Variants in DSCAM observed in about 807,000 individuals in gnomAD.
The protein encoded by DSCAM is cell adhesion molecule DSCAM.
In DSCAM, 47 loss-of-function variants were observed where a neutral mutation model predicts 217.7. The observed-to-expected ratio is 0.22, with a 90% CI of 0.17 to 0.28. DSCAM has a LOEUF of 0.28. DSCAM is among the 10% of genes least tolerant of loss of function. The probability of loss-of-function intolerance (pLI) is 1.00; values close to 1 mark genes in which losing one functional copy is unlikely to be tolerated. For missense variants in DSCAM, 2,080 were observed against 2,618.3 expected, an observed-to-expected ratio of 0.79 and a Z score of 4.49; for synonymous variants, 1,056 against 1,015.3, an observed-to-expected ratio of 1.04 and a Z score of -0.76.
chr21:40,046,253 C>G (rs1367762903), intron 30 of DSCAM, among the ~76,000 whole-genome samples: 1 of 152,206 alleles, frequency 6.6e-6, no homozygotes, highest in Non-Finnish European at 1.5e-5. Context: ...TGAATCTAAT[C>G]TATCATTCTG....
intron 3 of DSCAM, among the ~76,000 whole-genome samples, chr21:40,467,851 G>A (rs1210017679): frequency 1.3e-5 from 2 of 148,382 alleles, no homozygotes; most frequent in African/African-American, 5.0e-5. Context: ...TAAGCCCAAG[G>A]GAAAAGTCAA....
chr21:40,761,794 C>G (rs565860179), intron 1 of DSCAM, among the ~76,000 whole-genome samples: 3 of 152,286 alleles, frequency 2.0e-5, no homozygotes, highest in South Asian at 4.1e-4. Context: ...AGAAGTTTCT[C>G]TAAACATGTA....
intron 3 of DSCAM, among the ~76,000 whole-genome samples, chr21:40,552,174 C>G (rs574050475): frequency 6.6e-6 from 1 of 152,176 alleles, no homozygotes; most frequent in Non-Finnish European, 1.5e-5. Flanking sequence ...ATTAGCCAGG[C>G]ATGGTGGCGT....
chr21:40,227,762 C>A (rs146400648), intron 11 of DSCAM, among the ~76,000 whole-genome samples: 1 of 152,308 alleles, frequency 6.6e-6, no homozygotes, highest in African/African-American at 2.4e-5. Context: ...TACTTCACAT[C>A]TCCACATCCA....
chr21:40,053,775 G>A (rs1242140785), intron 29 of DSCAM, among the ~76,000 whole-genome samples: 1 of 152,138 alleles, frequency 6.6e-6, no homozygotes, highest in Non-Finnish European at 1.5e-5. Context: ...TTTACAAATG[G>A]AAATGACTGG....
At chr21:40,369,028 T>C in intron 4 of DSCAM, 71 bp downstream of exon 4, 1 of 1,428,050 alleles carries the variant, frequency 7.0e-7, no homozygotes, top group Non-Finnish European at 9.2e-7. Context: ...TCCACAATTT[T>C]GATTGAGTCG....
intron 3 of DSCAM, among the ~76,000 whole-genome samples, chr21:40,504,576 A>G (rs2076195519): frequency 1.3e-5 from 2 of 152,138 alleles, no homozygotes; most frequent in Non-Finnish European, 2.9e-5. Context: ...ATAAAAAAAG[A>G]AGAACAACAG....
chr21:40,360,224 C>T (rs1372354637), intron 4 of DSCAM, among the ~76,000 whole-genome samples: 5 of 148,432 alleles, frequency 3.4e-5, no homozygotes, highest in African/African-American at 9.9e-5. Context: ...CTCTGCCTCC[C>T]GGGGTTCACA....
At chr21:40,102,854 T>C (rs1253651227) in intron 20 of DSCAM, among the ~76,000 whole-genome samples, 2 of 152,220 alleles carry the variant, frequency 1.3e-5, no homozygotes, top group African/African-American at 4.8e-5. Context: ...TTCATAGCCT[T>C]TGCCTTTATT....
At chr21:40,312,432 G>A (rs1322209051) in intron 8 of DSCAM, 73 bp from the exon 9 acceptor site, 2 of 1,523,744 alleles carry the variant, frequency 1.3e-6, no homozygotes, top group Non-Finnish European at 1.8e-6. Flanking sequence ...CCTGTATACG[G>A]CACTGAAAGG....
chr21:40,092,608 G>T (rs1200563873), intron 21 of DSCAM, among the ~76,000 whole-genome samples: 1 of 152,228 alleles, frequency 6.6e-6, no homozygotes, highest in Non-Finnish European at 1.5e-5. Context: ...AAGCACAAAG[G>T]AAAGGAAGAA....
intron 1 of DSCAM, among the ~76,000 whole-genome samples, chr21:40,754,445 A>G (rs2091256463): frequency 6.6e-6 from 1 of 152,338 alleles, no homozygotes; most frequent in Non-Finnish European, 1.5e-5. Flanking sequence ...GAACAATAAA[A>G]GGAAGACGGT....
At chr21:40,521,023 A>G (rs1256682030) in intron 3 of DSCAM, among the ~76,000 whole-genome samples, 1 of 152,226 alleles carries the variant, frequency 6.6e-6, no homozygotes, top group Non-Finnish European at 1.5e-5. Flanking sequence ...ATAAAATAAA[A>G]TTTCAAACAA....
intron 11 of DSCAM, 39 bp from the exon 12 acceptor site, chr21:40,189,277 A>G: frequency 6.8e-7 from 1 of 1,476,156 alleles, no homozygotes. Flanking sequence ...TCAGCAAAGC[A>G]GGGTTCTTGA....
At chr21:40,347,049 C>T (rs2074565478) in intron 6 of DSCAM, among the ~76,000 whole-genome samples, 1 of 152,074 alleles carries the variant, frequency 6.6e-6, no homozygotes, top group South Asian at 2.1e-4. Context: ...GCCTGTAATC[C>T]CAGCACTTTG....
At chr21:40,622,850 C>A (rs905891499) in intron 3 of DSCAM, among the ~76,000 whole-genome samples, 2 of 144,142 alleles carry the variant, frequency 1.4e-5, no homozygotes, top group East Asian at 4.0e-4. Context: ...GCACTTAACA[C>A]TGATTTGTAT....
intron 11 of DSCAM, among the ~76,000 whole-genome samples, chr21:40,233,370 A>C (rs1312625605): frequency 6.6e-6 from 1 of 152,114 alleles, no homozygotes; most frequent in African/African-American, 2.4e-5. Context: ...GCTCCAAAAA[A>C]CTCACCTAAA....
At chr21:40,789,859 C>A (rs1222458753) in intron 1 of DSCAM, among the ~76,000 whole-genome samples, 2 of 152,116 alleles carry the variant, frequency 1.3e-5, no homozygotes, top group Non-Finnish European at 2.9e-5. Flanking sequence ...CCGGCCTCTG[C>A]TGTATTTCTT....
chr21:40,326,392 TCATTGAGACAA>T (rs2074317439), intron 8 of DSCAM, among the ~76,000 whole-genome samples: 1 of 152,194 alleles, frequency 6.6e-6, no homozygotes, highest in Non-Finnish European at 1.5e-5. Flanking sequence ...GGGCTATGTT[TCATTGAGACAA>T]AATAGACACA....
Sources: allele counts gnomAD v4.1 joint callset (sites outside exome capture counted in the v4.1 genomes callset), GRCh38; gene constraint gnomAD v4.1.1; transcripts MANE v1.5; gene names NCBI Gene and HGNC (gene_info 2026-07-23, HGNC 2026-07-21).